The following FOXP1 variants were observed in gnomAD, a reference collection of about 807,000 sequenced individuals.
The protein encoded by FOXP1 is forkhead box P1, also known as forkhead box protein P1.
In FOXP1, 15 loss-of-function variants were observed where a neutral mutation model predicts 98.2. That is an observed-to-expected ratio of 0.15 (90% CI 0.10 to 0.24). The LOEUF (loss-of-function observed/expected upper bound fraction) is 0.24, where lower values mean the gene tolerates loss of function less well. FOXP1 is among the 10% of genes least tolerant of loss of function. The pLI, the probability that FOXP1 is intolerant of heterozygous loss-of-function variation, is 1.00. For synonymous variants in FOXP1, 371 were observed against 314.5 expected (o/e 1.18, Z -1.90); for missense variants, 633 against 848.5 (o/e 0.75, Z 3.15).
intron 6 of FOXP1, among the ~76,000 whole-genome samples, chr3:71,140,389 G>A (rs2060011054): frequency 6.6e-6 from 1 of 152,124 alleles, no homozygotes; most frequent in Admixed American, 6.5e-5. Flanking sequence ...GTGGTATCAT[G>A]GTGGCACTCA....
intron 6 of FOXP1, among the ~76,000 whole-genome samples, chr3:71,158,588 TG>T (rs1019740054): frequency 1.3e-5 from 2 of 152,074 alleles, no homozygotes; most frequent in African/African-American, 4.8e-5. Context: ...TTTTCATATA[TG>T]GTACAGGCAA....
chr3:71,227,462 A>G (rs1159654585), intron 5 of FOXP1, among the ~76,000 whole-genome samples: 1 of 152,202 alleles, frequency 6.6e-6, no homozygotes, highest in Non-Finnish European at 1.5e-5. Flanking sequence ...GGTCCAGCTT[A>G]GTCTAGAGCT....
intron 3 of FOXP1, among the ~76,000 whole-genome samples, chr3:71,390,700 C>T (rs765199250): frequency 1.9e-4 from 29 of 152,280 alleles, no homozygotes; most frequent in Admixed American, 1.5e-3. Context: ...TAAACAAAGG[C>T]CAACTTCTTG....
At chr3:71,545,255 CCTTGGGT>C (rs1216385123) in intron 2 of FOXP1, among the ~76,000 whole-genome samples, 1 of 152,150 alleles carries the variant, frequency 6.6e-6, no homozygotes, top group Non-Finnish European at 1.5e-5. Flanking sequence ...GAGTAAGTGA[CCTTGGGT>C]AAGTCACAGT....
At chr3:71,395,001 G>C (rs1338385845) in intron 3 of FOXP1, among the ~76,000 whole-genome samples, 1 of 150,590 alleles carries the variant, frequency 6.6e-6, no homozygotes, top group Admixed American at 6.7e-5. Context: ...TTGGGAGGCT[G>C]AGGCAGGAGA....
chr3:70,979,522 A>T (rs1248205234), intron 14 of FOXP1, among the ~76,000 whole-genome samples: 2 of 152,002 alleles, frequency 1.3e-5, no homozygotes, highest in Admixed American at 1.3e-4. Flanking sequence ...AGATACACAG[A>T]CCCACCCTAA....
chr3:71,441,249 T>G (rs2085908118), intron 3 of FOXP1, among the ~76,000 whole-genome samples: 1 of 152,198 alleles, frequency 6.6e-6, no homozygotes, highest in African/African-American at 2.4e-5. Flanking sequence ...GAAGGTAGCT[T>G]TAACCCCTAC....
At chr3:71,522,636 GC>G (rs1443413656) in intron 2 of FOXP1, among the ~76,000 whole-genome samples, 1 of 152,176 alleles carries the variant, frequency 6.6e-6, no homozygotes, top group African/African-American at 2.4e-5. Context: ...GCACTAGAGA[GC>G]TTCAAGACTG....
rs549203359 is a variant in FOXP1, at chr3:71,001,498, C to T, written c.975-439G>A. On this transcript the variant is annotated intron_variant, in intron 12 of 20. Transcript: ENST00000649528. ...ACATCCATATACTGAAATGCATTCACGTGAATGTCAGAAATGGCAAAGGGT... is the reference window on the plus strand; with the variant it reads ...ACATCCATATACTGAAATGCATTCATGTGAATGTCAGAAATGGCAAAGGGT... Among the ~76,000 whole-genome samples, 29 of 152,020 alleles carry T rather than the reference C, an allele frequency of 1.9e-4. No homozygotes were observed. In the East Asian group the frequency reaches 4.7e-3, roughly 24 times the overall value.
intron 3 of FOXP1, among the ~76,000 whole-genome samples, chr3:71,471,397 G>T (rs927090201): frequency 6.6e-6 from 1 of 152,088 alleles, no homozygotes; most frequent in African/African-American, 2.4e-5. Flanking sequence ...ACTGAGGTTT[G>T]TCAATGGGAA....
In FOXP1 at chr3:71,074,383, C is replaced by T. The variant is rs142040395; in HGVS notation, c.283-20610G>A. Among the ~76,000 whole-genome samples the T allele has an allele frequency of 1.5e-3, 225 of 152,226 alleles. 1 individual carries two copies. The highest frequency in any genetic ancestry group is 5.3e-3 in the African/African-American group (218 of 41,512). ...CTGGGACTACAGGTGCCTGCCTCCA[C>T]GCCCGGCTAATTTTTGTATTTTTAG... On this transcript the variant is annotated intron_variant, in intron 7 of 20. Transcript: ENST00000649528.
intron 3 of FOXP1, among the ~76,000 whole-genome samples, chr3:71,362,426 C>A (rs2078634231): frequency 6.6e-6 from 1 of 152,156 alleles, no homozygotes; most frequent in African/African-American, 2.4e-5. Context: ...CTGCCTCAGC[C>A]TCCCAAAGTG....
chr3:71,158,178 AGGGAAGG>A, intron 6 of FOXP1, among the ~76,000 whole-genome samples: 1 of 131,454 alleles, frequency 7.6e-6, no homozygotes, highest in East Asian at 2.4e-4. Flanking sequence ...GGAAGGAAGG[AGGGAAGG>A]AGGGAGGGAA....
intron 19 of FOXP1, 51 bp from the exon 20 acceptor site, chr3:70,966,107 G>A (rs775781191): frequency 2.1e-6 from 3 of 1,459,474 alleles, no homozygotes. Flanking sequence ...TGTAAGACAA[G>A]GAAACTACTA....
chr3:71,184,550 G>A (rs1050394332), intron 6 of FOXP1, among the ~76,000 whole-genome samples: 3 of 152,160 alleles, frequency 2.0e-5, no homozygotes, highest in Non-Finnish European at 4.4e-5. Flanking sequence ...GAGCTGGCGT[G>A]TACAGTGCTA....
Position 71,341,572 on chromosome 3 carries a change from G to T in FOXP1, c.-73+17578C>A, listed in dbSNP as rs1370833790. Among the ~76,000 whole-genome samples, 4 of 152,174 alleles carry T rather than the reference G, an allele frequency of 2.6e-5. No homozygotes were observed. The East Asian group carries it at 5.8e-4, about 22-fold the overall frequency. Reference sequence around the variant, plus strand: ...TCACCTGAGGTCAGGAGTTCGACCAGCCTGTAATCCCAGCTACTCGGGAGG... The same window carrying T: ...TCACCTGAGGTCAGGAGTTCGACCATCCTGTAATCCCAGCTACTCGGGAGG... On this transcript the variant is annotated intron_variant, in intron 4 of 20. Coordinates refer to ENST00000649528, the MANE Select transcript of FOXP1 (RefSeq NM_001349338.3).
chr3:71,065,303 G>T (rs1405259449), intron 7 of FOXP1, among the ~76,000 whole-genome samples: 1 of 152,166 alleles, frequency 6.6e-6, no homozygotes, highest in Admixed American at 6.5e-5. Context: ...TCGTCTTTGA[G>T]ACTGACAAAG....
chr3:71,288,711 C>G (rs2072433237), intron 5 of FOXP1, among the ~76,000 whole-genome samples: 1 of 152,160 alleles, frequency 6.6e-6, no homozygotes, highest in African/African-American at 2.4e-5. Flanking sequence ...TCACTGCTCA[C>G]AGGTTGTACT....
chr3:71,300,693 T>C (rs1304756046), intron 4 of FOXP1, among the ~76,000 whole-genome samples: 1 of 152,240 alleles, frequency 6.6e-6, no homozygotes, highest in Non-Finnish European at 1.5e-5. Context: ...ATTTGTTTAT[T>C]AATTTAGATC....
Sources: allele counts gnomAD v4.1 joint callset (sites outside exome capture counted in the v4.1 genomes callset), GRCh38; gene constraint gnomAD v4.1.1; transcripts MANE v1.5; gene names NCBI Gene and HGNC (gene_info 2026-07-23, HGNC 2026-07-21).